Variants in KCTD16 observed in about 807,000 individuals in gnomAD.
KCTD16 encodes BTB/POZ domain-containing protein KCTD16.
In KCTD16, 13 loss-of-function variants were observed where a neutral mutation model predicts 33.2. The ratio of observed to expected loss-of-function variants is 0.39; its 90% confidence interval spans 0.25 to 0.62. The LOEUF is 0.62. Ranked by LOEUF, KCTD16 falls within the 20% of genes least tolerant of loss-of-function variation. The pLI, the probability that KCTD16 is intolerant of heterozygous loss-of-function variation, is 0.50. For missense variants in KCTD16, 441 were observed against 525.1 expected, an observed-to-expected ratio of 0.84 and a Z score of 1.57; for synonymous variants, 197 against 195.3, an observed-to-expected ratio of 1.01 and a Z score of -0.07.
intron 3 of KCTD16, among the ~76,000 whole-genome samples, chr5:144,289,541 C>G (rs529132456): frequency 3.9e-5 from 6 of 152,280 alleles, no homozygotes; most frequent in East Asian, 3.9e-4. Flanking sequence ...ATTCCATGCT[C>G]GTACTTTCCT....
intron 2 of KCTD16, among the ~76,000 whole-genome samples, chr5:144,201,334 T>C (rs1753040991): frequency 6.6e-6 from 1 of 152,220 alleles, no homozygotes; most frequent in African/African-American, 2.4e-5. Context: ...CACCAAATCC[T>C]GAAATTCCCC....
intron 3 of KCTD16, among the ~76,000 whole-genome samples, chr5:144,335,558 A>G (rs966252411): frequency 3.9e-5 from 6 of 152,172 alleles, no homozygotes; most frequent in African/African-American, 9.7e-5. Flanking sequence ...ACACACACAA[A>G]CACACTACAA....
At chr5:144,305,841 A>G (rs1045199735) in intron 3 of KCTD16, among the ~76,000 whole-genome samples, 1 of 152,112 alleles carries the variant, frequency 6.6e-6, no homozygotes, top group Admixed American at 6.5e-5. Context: ...TAAAAAATAA[A>G]TAAAAAATAA....
intron 1 of KCTD16, among the ~76,000 whole-genome samples, chr5:144,173,003 A>T (rs1752427798): frequency 6.6e-6 from 1 of 152,220 alleles, no homozygotes; most frequent in Non-Finnish European, 1.5e-5. Context: ...GGTTTTAGAG[A>T]AAAAGGAATG....
chr5:144,207,559 G>T lies in KCTD16; in HGVS notation c.832+13G>T, dbSNP rs374970638. ...TATGTCTTCTACCGTAAGTACAAAG[G>T]GTTGTTTTAATTTTTTATGTGTGTC... On this transcript the variant is annotated intron_variant, in intron 3 of 3. Transcript: ENST00000512467. 5.9e-5 allele frequency: 94 copies of T among 1,587,412 alleles called. 1 individual carries two copies. The African/African-American group carries it at 1.2e-3, about 21-fold the overall frequency.
intron 3 of KCTD16, among the ~76,000 whole-genome samples, chr5:144,299,092 CTATGTATATA>C (rs1561558319): frequency 7.5e-5 from 1 of 13,326 alleles, no homozygotes; most frequent in South Asian, 2.0e-3. Context: ...ATATATATCA[CTATGTATATA>C]TATATATATA....
chr5:144,466,680 G>A (rs1754339519), intron 3 of KCTD16, among the ~76,000 whole-genome samples: 1 of 151,672 alleles, frequency 6.6e-6, no homozygotes, highest in African/African-American at 2.4e-5. Flanking sequence ...AAATATCTGA[G>A]TTTTAATTCT....
intron 3 of KCTD16, among the ~76,000 whole-genome samples, chr5:144,323,029 T>A (rs1752114486): frequency 6.6e-6 from 1 of 152,116 alleles, no homozygotes; most frequent in South Asian, 2.1e-4. Context: ...CATCAACTCC[T>A]CCCAGTATTA....
intron 3 of KCTD16, among the ~76,000 whole-genome samples, chr5:144,337,599 T>TC (rs1752523183): frequency 6.6e-6 from 1 of 152,234 alleles, no homozygotes; most frequent in African/African-American, 2.4e-5. Flanking sequence ...TATGGGTTTT[T>TC]CTCATAACTT....
intron 3 of KCTD16, among the ~76,000 whole-genome samples, chr5:144,321,039 G>C (rs1287308502): frequency 6.6e-6 from 1 of 152,050 alleles, no homozygotes; most frequent in Non-Finnish European, 1.5e-5. Flanking sequence ...ATTTTTAGTA[G>C]AGATGGGTTT....
intron 3 of KCTD16, among the ~76,000 whole-genome samples, chr5:144,290,883 G>A: frequency 6.6e-6 from 1 of 152,286 alleles, no homozygotes; most frequent in South Asian, 2.1e-4. Context: ...AGCTACAAAT[G>A]TAGTTATACA....
intron 3 of KCTD16, among the ~76,000 whole-genome samples, chr5:144,343,588 G>A (rs1326715731): frequency 6.6e-6 from 1 of 151,514 alleles, no homozygotes; most frequent in Non-Finnish European, 1.5e-5. Context: ...CTTCAGTTCT[G>A]CTCTGATTTT....
In KCTD16 at chr5:144,477,299, A is replaced by T. The variant is rs1754615420; in HGVS notation, c.*3185A>T. On this transcript the variant is annotated 3_prime_UTR_variant, in exon 4 of 4. Coordinates refer to ENST00000512467, the MANE Select transcript of KCTD16 (RefSeq NM_020768.4). ...GGCTTCCAAAATATGCACTGATGTT[A>T]TCCTTTGTATTTATAGGCACAGTTA... 1 of 152,194 alleles carries T rather than the reference A, an allele frequency of 6.6e-6. No individual in the cohort carries two copies. Among genetic ancestry groups the T allele is most frequent in the Non-Finnish European group, 1.5e-5 (1 of 68,020 alleles). 9.4% of individuals were successfully genotyped at this position (152,194 alleles called of 1,614,324 possible).
At chr5:144,221,571 T>A (rs1171547333) in intron 3 of KCTD16, among the ~76,000 whole-genome samples, 1 of 152,226 alleles carries the variant, frequency 6.6e-6, no homozygotes, top group African/African-American at 2.4e-5. Context: ...TCCAGCTTCA[T>A]CCGTGTCCCT....
intron 3 of KCTD16, among the ~76,000 whole-genome samples, chr5:144,404,015 C>T (rs756698891): frequency 6.6e-6 from 1 of 152,092 alleles, no homozygotes; most frequent in Admixed American, 6.5e-5. Context: ...CCCCCCAGGC[C>T]CTTATTTCAT....
At chr5:144,293,539 A>G (rs1028501149) in intron 3 of KCTD16, among the ~76,000 whole-genome samples, 1 of 152,176 alleles carries the variant, frequency 6.6e-6, no homozygotes, top group African/African-American at 2.4e-5. Context: ...CCATTGCTGA[A>G]ATTCTATTTT....
rs1237172379 is a variant in KCTD16 at position 144,478,839 on chromosome 5, G to A, written c.*4725G>A. On this transcript the variant is annotated 3_prime_UTR_variant, in exon 4 of 4. Transcript: ENST00000512467. ...AGAAAAATATCCTAAGACTAGGGCA[G>A]AATAGATTTTCATGAATTCTTTGCC... is the stretch of plus-strand genomic sequence containing the variant. 3 of 151,938 alleles carry A rather than the reference G, an allele frequency of 2.0e-5. No individual in the cohort carries two copies. The highest frequency in any genetic ancestry group is 4.4e-5 in the Non-Finnish European group (3 of 67,924). The allele number at this position is 151,938 out of a possible 1,614,324, so 9.4% of individuals were successfully genotyped here.
intron 3 of KCTD16, among the ~76,000 whole-genome samples, chr5:144,425,924 T>G (rs1051847313): frequency 1.3e-5 from 2 of 152,196 alleles, no homozygotes; most frequent in South Asian, 2.1e-4. Context: ...ATTCTTTCTA[T>G]TCATACTAAT....
chr5:144,223,237 A>G (rs1229189012), intron 3 of KCTD16, among the ~76,000 whole-genome samples: 2 of 152,206 alleles, frequency 1.3e-5, no homozygotes, highest in African/African-American at 4.8e-5. Context: ...GCACATGTAT[A>G]CATATGTAAC....
Sources: gnomAD v4.1 joint callset for allele counts (sites outside exome capture counted in the v4.1 genomes callset) on GRCh38, gnomAD v4.1.1 for gene constraint, MANE v1.5 for transcripts, NCBI Gene and HGNC (gene_info 2026-07-23, HGNC 2026-07-21) for gene names.